The following PTPRT variants were observed in gnomAD, a reference collection of about 807,000 sequenced individuals.
PTPRT encodes protein tyrosine phosphatase receptor type T.
Under a neutral mutation model 176.8 loss-of-function variants are expected in PTPRT, and 56 were observed. That is an observed-to-expected ratio of 0.32 (90% CI 0.26 to 0.40). The LOEUF (loss-of-function observed/expected upper bound fraction) is 0.40, where lower values mean the gene tolerates loss of function less well. Among genes scored for constraint, PTPRT ranks in the 10% least tolerant of loss-of-function variants. The probability of loss-of-function intolerance (pLI) is 1.00; values close to 1 mark genes in which losing one functional copy is unlikely to be tolerated. For missense variants in PTPRT, 1,540 were observed against 1,908.2 expected (o/e 0.81, Z 3.60); for synonymous variants, 783 against 739.0 (o/e 1.06, Z -0.96).
intron 17 of PTPRT, among the ~76,000 whole-genome samples, chr20:42,142,840 C>T (rs1267221815): frequency 6.6e-6 from 1 of 152,084 alleles, no homozygotes. Context: ...CCATGAAAAA[C>T]AAAACTGCAG....
At chr20:43,093,526 G>T (rs557115925) in intron 1 of PTPRT, among the ~76,000 whole-genome samples, 1 of 152,328 alleles carries the variant, frequency 6.6e-6, no homozygotes, top group African/African-American at 2.4e-5. Context: ...ATGCACAGGT[G>T]TATGCTCACA....
chr20:42,281,382 T>G (rs2057136757), intron 13 of PTPRT, among the ~76,000 whole-genome samples: 1 of 152,202 alleles, frequency 6.6e-6, no homozygotes. Flanking sequence ...TGCTTCCGTT[T>G]TCTTCTTCCT....
intron 7 of PTPRT, among the ~76,000 whole-genome samples, chr20:42,661,960 C>T (rs1211454771): frequency 1.3e-5 from 2 of 152,328 alleles, no homozygotes; most frequent in East Asian, 3.9e-4. Context: ...CTTCCTCTGG[C>T]TCAGGCATCA....
At chr20:42,534,423 A>G (rs6093670) in intron 7 of PTPRT, among the ~76,000 whole-genome samples, 42,642 of 151,872 alleles carry the variant, frequency 0.28, 7,979 homozygotes, top group African/African-American at 0.54. Flanking sequence ...CATGAGGTCA[A>G]GAGATCGAGA....
At chr20:42,842,551 C>T (rs2078296518) in intron 2 of PTPRT, among the ~76,000 whole-genome samples, 1 of 152,070 alleles carries the variant, frequency 6.6e-6, no homozygotes, top group African/African-American at 2.4e-5. Flanking sequence ...CCCCGAGTAG[C>T]TGGGATTACA....
At chr20:42,262,232 C>G (rs1284059312) in intron 13 of PTPRT, among the ~76,000 whole-genome samples, 1 of 152,152 alleles carries the variant, frequency 6.6e-6, no homozygotes, top group Non-Finnish European at 1.5e-5. Flanking sequence ...TTCCCCTCCC[C>G]AAAGGATGGA....
At chr20:42,467,395 A>ACTT (rs1480700921) in intron 8 of PTPRT, among the ~76,000 whole-genome samples, 1 of 152,192 alleles carries the variant, frequency 6.6e-6, no homozygotes, top group Non-Finnish European at 1.5e-5. Flanking sequence ...GACATTATGA[A>ACTT]CTTCTTGACA....
intron 1 of PTPRT, among the ~76,000 whole-genome samples, chr20:43,048,747 G>T (rs997014194): frequency 1.3e-5 from 2 of 152,126 alleles, no homozygotes; most frequent in African/African-American, 4.8e-5. Context: ...ATGTATTTTT[G>T]CCATCTGCTC....
intron 8 of PTPRT, among the ~76,000 whole-genome samples, chr20:42,462,754 AG>A (rs1305476320): frequency 6.6e-6 from 1 of 152,188 alleles, no homozygotes; most frequent in African/African-American, 2.4e-5. Flanking sequence ...TGAAATAAAA[AG>A]CTCTCTATGA....
In PTPRT at chr20:42,249,474, C is replaced by T. The variant is rs541574972; in HGVS notation, c.2177-652G>A. On this transcript the variant is annotated intron_variant, in intron 13 of 30. Transcript: ENST00000373187. ...CTGACACAATCCTCAGTAGAGGAGG[C>T]AGGTCACTGGCCACTTACTATACAT... Among the ~76,000 whole-genome samples the T allele has an allele frequency of 1.6e-4, 25 of 152,292 alleles. 1 individual carries two copies. In the South Asian group the frequency reaches 4.6e-3, roughly 28 times the overall value.
At chr20:42,798,791 C>A (rs1382822796) in intron 2 of PTPRT, among the ~76,000 whole-genome samples, 1 of 152,000 alleles carries the variant, frequency 6.6e-6, no homozygotes, top group African/African-American at 2.4e-5. Context: ...TTTGTTAAGG[C>A]AATTTTTGAA....
chr20:42,184,572 T>C (rs1990672534), intron 16 of PTPRT, among the ~76,000 whole-genome samples: 1 of 137,666 alleles, frequency 7.3e-6, no homozygotes, highest in African/African-American at 2.8e-5. Flanking sequence ...TTCTTCTTCT[T>C]CTTCTTCTTC....
intron 1 of PTPRT, among the ~76,000 whole-genome samples, chr20:43,001,677 C>A (rs955172723): frequency 4.0e-5 from 6 of 151,882 alleles, no homozygotes; most frequent in Non-Finnish European, 8.8e-5. Context: ...AAAAAAAATT[C>A]TAAGAAAATG....
the PTPRT span, among the ~76,000 whole-genome samples, chr20:42,036,840 C>A: frequency 6.6e-6 from 1 of 152,242 alleles, no homozygotes; most frequent in South Asian, 2.1e-4. Flanking sequence ...CCAGGCACAT[C>A]CAGAAGCACC....
At chr20:42,446,642 G>A (rs1417775238) in intron 9 of PTPRT, among the ~76,000 whole-genome samples, 1 of 144,528 alleles carries the variant, frequency 6.9e-6, no homozygotes, top group African/African-American at 2.5e-5. Flanking sequence ...GAGAGATTGT[G>A]GTTTCTGCTT....
At chr20:42,533,481 T>G (rs544012586) in intron 7 of PTPRT, among the ~76,000 whole-genome samples, 35 of 152,074 alleles carry the variant, frequency 2.3e-4, no homozygotes, top group African/African-American at 7.9e-4. Context: ...AGGTGGGGGA[T>G]GGCACACAAT....
intron 1 of PTPRT, among the ~76,000 whole-genome samples, chr20:42,905,334 C>T (rs1331229603): frequency 6.6e-6 from 1 of 152,218 alleles, no homozygotes; most frequent in Non-Finnish European, 1.5e-5. Flanking sequence ...CATCACTGGT[C>T]ATCAGAGAAA....
At position 42,350,645 on chromosome 20, in the gene PTPRT, G is replaced by A; in HGVS notation, c.1848C>T (p.Ser616=). 2 of 1,611,666 alleles carry A rather than the reference G, an allele frequency of 1.2e-6. No individual in the cohort carries two copies. Among genetic ancestry groups the A allele is most frequent in the Middle Eastern group, 1.6e-4 (1 of 6,062 alleles). Residue 616 remains serine, a synonymous_variant, in exon 11 of 31, where the codon TCC becomes TCT. Transcript: ENST00000373187. The stretch of plus-strand genomic sequence containing the variant: ...ATCCTCACCTGACAGGAGCTCCCCG[G>A]GACTGAGCGGGTTTCAGCATCACTG... The part of the protein sequence containing the change: ...TITVMLKPAQ[S]RGAPVSVYQL...
chr20:43,046,441 G>A (rs576667981), intron 1 of PTPRT, among the ~76,000 whole-genome samples: 11 of 131,420 alleles, frequency 8.4e-5, no homozygotes, highest in South Asian at 4.3e-4. Context: ...GGTGGAGCGC[G>A]CCTGTAGTCC....
Sources: gnomAD v4.1 joint callset for allele counts (sites outside exome capture counted in the v4.1 genomes callset) on GRCh38, gnomAD v4.1.1 for gene constraint, MANE v1.5 for transcripts, NCBI Gene and HGNC (gene_info 2026-07-23, HGNC 2026-07-21) for gene names.